Variants in SLC43A2 observed in about 807,000 individuals in gnomAD.
SLC43A2 encodes large neutral amino acids transporter small subunit 4.
Under a neutral mutation model 63.2 loss-of-function variants are expected in SLC43A2, and 38 were observed. The observed-to-expected ratio is 0.60, with a 90% CI of 0.46 to 0.79. The LOEUF is 0.79. SLC43A2 is among the 30% of genes least tolerant of loss of function. The pLI is 0.00. For missense variants in SLC43A2, 644 were observed against 756.2 expected, an observed-to-expected ratio of 0.85 and a Z score of 1.74; for synonymous variants, 322 against 331.0, an observed-to-expected ratio of 0.97 and a Z score of 0.30.
intron 5 of SLC43A2, among the ~76,000 whole-genome samples, chr17:1,609,560 C>T (rs1000246095): frequency 6.6e-6 from 1 of 152,166 alleles, no homozygotes; most frequent in Non-Finnish European, 1.5e-5. Context: ...ACATGCTAAT[C>T]CTGTGGCCCA....
chr17:1,592,431 C>A (rs1011758846), intron 6 of SLC43A2, among the ~76,000 whole-genome samples: 2 of 151,950 alleles, frequency 1.3e-5, no homozygotes, highest in Non-Finnish European at 2.9e-5. Context: ...TGTTCCCCCC[C>A]AAAAAAAGGA....
At chr17:1,584,672 T>C (rs929597545) in intron 10 of SLC43A2, among the ~76,000 whole-genome samples, 1 of 151,896 alleles carries the variant, frequency 6.6e-6, no homozygotes, top group Non-Finnish European at 1.5e-5. Context: ...TTAAAAAAAT[T>C]AGCCGGGCGT....
chr17:1,579,805 C>T (rs992877143), intron 11 of SLC43A2, among the ~76,000 whole-genome samples: 1 of 152,032 alleles, frequency 6.6e-6, no homozygotes, highest in African/African-American at 2.4e-5. Context: ...CCACTGCACT[C>T]GAGCCTGGCT....
At chr17:1,629,379 C>T (rs1274222003), upstream of SLC43A2, among the ~76,000 whole-genome samples, 1 of 152,088 alleles carries the variant, frequency 6.6e-6, no homozygotes, top group Non-Finnish European at 1.5e-5. Flanking sequence ...GGTCCTGGTT[C>T]CTCGCTCCCC....
At position 1,593,626 on chromosome 17, in the gene SLC43A2, A is replaced by T. The variant is rs1905022436; in HGVS notation, c.502-347T>A. ...GAGAACAAAGTTATGAGCCTCAGGC[A>T]GCCCTCAAAGGGAGAAAGCCTGTTA... On this transcript the variant is annotated intron_variant, in intron 5 of 13. Coordinates refer to ENST00000301335, the MANE Select transcript of SLC43A2 (RefSeq NM_152346.3). The surrounding 1 kb of genome is among the most constrained non-coding windows in gnomAD (Gnocchi z 5.3). Among the ~76,000 whole-genome samples the T allele has an allele frequency of 6.6e-6, 1 of 152,226 alleles. No individual in the cohort carries two copies. The highest frequency in any genetic ancestry group is 2.1e-4 in the South Asian group (1 of 4,834).
chr17:1,612,850 T>C (rs1907250184), intron 5 of SLC43A2, among the ~76,000 whole-genome samples: 1 of 152,094 alleles, frequency 6.6e-6, no homozygotes, highest in Admixed American at 6.5e-5. Flanking sequence ...CGCACGCCCA[T>C]AGTCCCAGCT....
In SLC43A2 at chr17:1,591,706, G is replaced by A. The variant is rs1489542075; in HGVS notation, c.595-7C>T. 5 of 925,872 alleles carry A rather than the reference G, an allele frequency of 5.4e-6. No homozygotes were observed. Among genetic ancestry groups the A allele is most frequent in the Non-Finnish European group, 7.9e-6 (5 of 632,752 alleles). The allele number at this position is 925,872 out of a possible 1,614,324, so 57.4% of individuals were successfully genotyped here. A position where few individuals can be genotyped will look rare whatever the true frequency, so the allele number is the denominator to read the frequency against. ...CACCAGCATCATAGATGAGCTGACAGGCACCGCGGGGACGGGGTGGGGGGG... is the reference window on the plus strand; with the variant it reads ...CACCAGCATCATAGATGAGCTGACAAGCACCGCGGGGACGGGGTGGGGGGG... On this transcript the variant is annotated splice_region_variant and splice_polypyrimidine_tract_variant and intron_variant, in intron 6 of 13. Transcript: ENST00000301335.
At chr17:1,630,059 G>A (rs536821913), upstream of SLC43A2, among the ~76,000 whole-genome samples, 9 of 152,258 alleles carry the variant, frequency 5.9e-5, no homozygotes, top group Non-Finnish European at 1.5e-5. Flanking sequence ...GGGCAGCATG[G>A]CGAGAACCAT....
chr17:1,586,804 A>G, intron 9 of SLC43A2: 1 of 739,934 alleles, frequency 1.4e-6, no homozygotes, highest in Non-Finnish European at 2.0e-6. Flanking sequence ...CAGACGAGGA[A>G]TGTTGATTGC....
intron 1 of SLC43A2, chr17:1,628,273 GC>G (rs1321213396): frequency 2.4e-5 from 4 of 164,748 alleles, no homozygotes; most frequent in Non-Finnish European, 5.2e-5. Flanking sequence ...ATCGCCTGGG[GC>G]CAGCATGGAA....
intron 2 of SLC43A2, among the ~76,000 whole-genome samples, chr17:1,620,936 C>A (rs981653177): frequency 7.9e-5 from 12 of 152,126 alleles, no homozygotes; most frequent in African/African-American, 2.7e-4. Context: ...GCTCTGCTCA[C>A]CCCCGGCCAG....
intron 5 of SLC43A2, chr17:1,603,122 T>C (rs1398823777): frequency 6.6e-6 from 1 of 152,164 alleles, no homozygotes; most frequent in Non-Finnish European, 1.5e-5. Flanking sequence ...ATATGTGTTA[T>C]GACTTCATAA....
At chr17:1,615,849 T>TAAATAAAG in intron 3 of SLC43A2, among the ~76,000 whole-genome samples, 1 of 136,962 alleles carries the variant, frequency 7.3e-6, no homozygotes, top group African/African-American at 2.7e-5. Flanking sequence ...TCTCAATAAA[T>TAAATAAAG]AAATAAATAA....
At chr17:1,586,950 C>G in intron 9 of SLC43A2, 3 of 1,529,048 alleles carry the variant, frequency 2.0e-6, no homozygotes, top group South Asian at 1.2e-5. Flanking sequence ...CCCGCTTACC[C>G]GTGGCCATCA....
Position 1,578,365 on chromosome 17 carries a change from GACCGTCC to G in SLC43A2, c.1351-49_1351-43del, listed in dbSNP as rs763739431. On this transcript the variant is annotated intron_variant, in intron 11 of 13. Transcript: ENST00000301335. The surrounding 1 kb of genome is among the most constrained non-coding windows in gnomAD (Gnocchi z 6.5). ...CGACTGTGGGCATAAGGCCTTAAGG[GACCGTCC>G]CCTCAGCCCCCGCCCTCCAATTCCT... 1.3e-6 allele frequency: 2 copies of G among 1,592,768 alleles called. No homozygotes were observed. The highest frequency in any genetic ancestry group is 1.7e-6 in the Non-Finnish European group (2 of 1,164,518).
chr17:1,619,234 G>A (rs761896179), intron 2 of SLC43A2, among the ~76,000 whole-genome samples: 10 of 149,118 alleles, frequency 6.7e-5, no homozygotes, highest in Non-Finnish European at 1.0e-4. Context: ...GCCGGGAGGC[G>A]GAGGTTGTGG....
chr17:1,585,323 C>T, intron 10 of SLC43A2: 1 of 777,246 alleles, frequency 1.3e-6, no homozygotes, highest in Admixed American at 5.0e-5. Context: ...CTCACTGCAA[C>T]CTCCACCTCC....
At chr17:1,621,002 G>C (rs1311513971) in intron 2 of SLC43A2, among the ~76,000 whole-genome samples, 3 of 152,086 alleles carry the variant, frequency 2.0e-5, no homozygotes, top group African/African-American at 7.2e-5. Flanking sequence ...CTCTGGGGTG[G>C]CCAGAAGTGG....
intron 2 of SLC43A2, among the ~76,000 whole-genome samples, chr17:1,624,446 TA>T (rs2151083629): frequency 6.6e-6 from 1 of 152,006 alleles, no homozygotes; most frequent in African/African-American, 2.4e-5. Context: ...CTCACACCTG[TA>T]ATCCCAGTGC....
Sources: allele counts gnomAD v4.1 joint callset (sites outside exome capture counted in the v4.1 genomes callset), GRCh38; gene constraint gnomAD v4.1.1; non-coding constraint Gnocchi (gnomAD v3.1); transcripts MANE v1.5; gene names NCBI Gene and HGNC (gene_info 2026-07-23, HGNC 2026-07-21).